TBCK: variants seen among roughly 807,000 people sequenced by gnomAD.
The protein encoded by TBCK is TBC1 domain containing kinase.
A neutral mutation model predicts 113.4 loss-of-function variants in TBCK; 99 were observed. That is an observed-to-expected ratio of 0.87 (90% CI 0.74 to 1.03). The LOEUF (loss-of-function observed/expected upper bound fraction) is 1.03. Among genes scored for constraint, TBCK ranks in the 50% least tolerant of loss-of-function variants. The pLI is 0.00. For missense variants in TBCK, 1,045 were observed against 1,061.3 expected (o/e 0.98, Z 0.21); for synonymous variants, 369 against 370.8 (o/e 1.00, Z 0.05).
In TBCK at chr4:106,295,173, A is replaced by G. The variant is rs774489878; in HGVS notation, c.194-7T>C. 1 of 1,609,392 alleles carries G rather than the reference A, an allele frequency of 6.2e-7. No homozygotes were observed. The highest frequency in any genetic ancestry group is 1.1e-5 in the South Asian group (1 of 90,416). ...GCCACGACCACTAGTCGTTCTGAGA[A>G]AAACAAAGCAAACCCATGTTATATT... On this transcript the variant is annotated splice_polypyrimidine_tract_variant and splice_region_variant and intron_variant, in intron 2 of 25. Transcript: ENST00000394708.
intron 2 of TBCK, among the ~76,000 whole-genome samples, chr4:106,300,556 T>C (rs1766833458): frequency 6.6e-6 from 1 of 152,206 alleles, no homozygotes; most frequent in South Asian, 2.1e-4. Context: ...AATAAGTGTT[T>C]ATACAGTTCA....
At chr4:106,110,724 G>C (rs1297753253) in intron 24 of TBCK, among the ~76,000 whole-genome samples, 1 of 152,048 alleles carries the variant, frequency 6.6e-6, no homozygotes, top group Non-Finnish European at 1.5e-5. Context: ...GGTGGCTCTG[G>C]TCCTACTCTA....
chr4:106,285,170 C>G (rs1007507287), intron 3 of TBCK, among the ~76,000 whole-genome samples: 1 of 152,106 alleles, frequency 6.6e-6, no homozygotes, highest in Non-Finnish European at 1.5e-5. Context: ...CCTGAATGGA[C>G]TGTAAAGAAA....
chr4:106,058,981 G>A (rs1200819297), intron 25 of TBCK, among the ~76,000 whole-genome samples: 1 of 151,752 alleles, frequency 6.6e-6, no homozygotes, highest in East Asian at 1.9e-4. Flanking sequence ...AGTTAACAGA[G>A]TAATAAGTCA....
chr4:106,230,297 T>C, intron 19 of TBCK, 66 bp downstream of exon 19: 1 of 994,268 alleles, frequency 1.0e-6, no homozygotes. Context: ...TTTAATCAAA[T>C]ATTACATCAG....
At chr4:106,270,159 T>C (rs550412432) in intron 3 of TBCK, among the ~76,000 whole-genome samples, 2 of 152,210 alleles carry the variant, frequency 1.3e-5, no homozygotes, top group African/African-American at 2.4e-5. Context: ...TATTTTGTTA[T>C]ATCATATGTA....
intron 14 of TBCK, among the ~76,000 whole-genome samples, chr4:106,235,888 T>A (rs1352921365): frequency 6.6e-6 from 1 of 152,102 alleles, no homozygotes; most frequent in Non-Finnish European, 1.5e-5. Flanking sequence ...TCTTGATATA[T>A]GCATTCAAAT....
At chr4:106,225,706 C>T (rs1758167917) in intron 19 of TBCK, among the ~76,000 whole-genome samples, 1 of 152,104 alleles carries the variant, frequency 6.6e-6, no homozygotes, top group Non-Finnish European at 1.5e-5. Flanking sequence ...ATCTGCCCTC[C>T]TCGGCCTCCC....
intron 2 of TBCK, among the ~76,000 whole-genome samples, chr4:106,298,032 G>C (rs1006067431): frequency 1.3e-5 from 2 of 152,104 alleles, no homozygotes; most frequent in African/African-American, 4.8e-5. Flanking sequence ...ACTTCCTCAA[G>C]GGACACTTCT....
chr4:106,275,375 A>G lies in TBCK; in HGVS notation c.267-13163T>C, dbSNP rs574316291. 4.7e-4 allele frequency among the ~76,000 whole-genome samples: 72 copies of G among 151,876 alleles called. No individual in the cohort carries two copies. In the South Asian group the frequency reaches 0.015, roughly 31 times the overall value. The stretch of plus-strand genomic sequence containing the variant: ...TTTCCCTGAGATAAAAAACTAGGAA[A>G]TATTGACCATTCAATATTTGTATTC... On this transcript the variant is annotated intron_variant, in intron 3 of 25. Coordinates refer to ENST00000394708, the MANE Select transcript of TBCK (RefSeq NM_001163435.3).
intron 3 of TBCK, among the ~76,000 whole-genome samples, chr4:106,283,248 AC>A (rs1292086796): frequency 1.3e-5 from 2 of 152,156 alleles, no homozygotes; most frequent in Non-Finnish European, 2.9e-5. Context: ...TATACTTACA[AC>A]TTTAGGAGAC....
At chr4:106,184,405 A>T (rs1752770020) in intron 22 of TBCK, among the ~76,000 whole-genome samples, 1 of 152,046 alleles carries the variant, frequency 6.6e-6, no homozygotes, top group South Asian at 2.1e-4. Context: ...CAGTCAAGTG[A>T]CTTACCAGGA....
At chr4:106,129,055 A>G (rs570538718) in intron 23 of TBCK, among the ~76,000 whole-genome samples, 53 of 152,222 alleles carry the variant, frequency 3.5e-4, no homozygotes, top group Non-Finnish European at 7.3e-4. Context: ...TTTAGAATAT[A>G]GTACTGGGAT....
intron 22 of TBCK, among the ~76,000 whole-genome samples, chr4:106,175,987 A>G (rs754280190): frequency 2.0e-5 from 3 of 152,114 alleles, no homozygotes; most frequent in Non-Finnish European, 4.4e-5. Context: ...AGACTTGAAC[A>G]AAACATGAAG....
chr4:106,241,587 A>G (rs1234221258), intron 12 of TBCK, among the ~76,000 whole-genome samples: 1 of 151,992 alleles, frequency 6.6e-6, no homozygotes, highest in Non-Finnish European at 1.5e-5. Flanking sequence ...AAACATATCC[A>G]TATACATAGA....
chr4:106,217,468 C>T (rs992995346), intron 19 of TBCK, among the ~76,000 whole-genome samples: 1 of 152,116 alleles, frequency 6.6e-6, no homozygotes, highest in Non-Finnish European at 1.5e-5. Context: ...TCTAGAAAAC[C>T]CCATTGTCTC....
chr4:106,305,319 C>T (rs1352572106), intron 2 of TBCK, among the ~76,000 whole-genome samples: 1 of 151,904 alleles, frequency 6.6e-6, no homozygotes, highest in Non-Finnish European at 1.5e-5. Context: ...GATATTAAGA[C>T]TTTGTTTCCT....
chr4:106,118,592 C>T (rs967171677), intron 23 of TBCK, among the ~76,000 whole-genome samples: 1 of 152,154 alleles, frequency 6.6e-6, no homozygotes, highest in African/African-American at 2.4e-5. Context: ...TTTTTTCCAG[C>T]CTTCACATGA....
chr4:106,316,267 G>A, upstream of TBCK: 1 of 355,678 alleles, frequency 2.8e-6, no homozygotes, highest in East Asian at 4.8e-5. Flanking sequence ...ACCCAACGCT[G>A]AGGAAAGACC....
Sources: gnomAD v4.1 joint callset for allele counts (sites outside exome capture counted in the v4.1 genomes callset) on GRCh38, gnomAD v4.1.1 for gene constraint, MANE v1.5 for transcripts, NCBI Gene and HGNC (gene_info 2026-07-23, HGNC 2026-07-21) for gene names.